Variants in TDRD10 observed in about 807,000 individuals in gnomAD.
The protein encoded by TDRD10 is tudor domain-containing protein 10.
A neutral mutation model predicts 48.0 loss-of-function variants in TDRD10; 40 were observed. The ratio of observed to expected loss-of-function variants is 0.83; its 90% CI spans 0.65 to 1.09. The LOEUF (loss-of-function observed/expected upper bound fraction) is 1.09. Among genes scored for constraint, TDRD10 ranks in the 50% least tolerant of loss-of-function variants. The pLI is 0.00. For missense variants in TDRD10, 378 were observed against 434.7 expected (o/e 0.87, Z 1.16); for synonymous variants, 162 against 170.4 (o/e 0.95, Z 0.38).
chr1:154,547,823 A>C lies in TDRD10; in HGVS notation c.*113A>C. On this transcript the variant is annotated 3_prime_UTR_variant, in exon 13 of 13. Coordinates refer to ENST00000368482, the MANE Select transcript of TDRD10 (RefSeq NM_182499.4). ...AGGCCTGGGAGGTGAAAAAGGCCAG[A>C]CTGTGCCCAGGATTGATTCAATTTT... The C allele has an allele frequency of 7.5e-7, 1 of 1,337,720 alleles. No individual in the cohort carries two copies. The allele number at this position is 1,337,720 out of a possible 1,614,324, so 82.9% of individuals were successfully genotyped here.
intron 6 of TDRD10, among the ~76,000 whole-genome samples, chr1:154,532,417 A>G: frequency 6.6e-6 from 1 of 151,964 alleles, no homozygotes. Flanking sequence ...GCTGTCCTGC[A>G]AGCACCGCGC....
chr1:154,547,736 C>T lies in TDRD10; in HGVS notation c.*26C>T, dbSNP rs202040662. ...CGGGGCTTCCCTCAGCATGTTCCCT[C>T]TCCTGTTTGCCACGGATCCAGAGGC... On this transcript the variant is annotated 3_prime_UTR_variant, in exon 13 of 13. Transcript: ENST00000368482. 669 of 1,612,606 alleles carry T rather than the reference C, an allele frequency of 4.1e-4. 3 individuals carry two copies. The African/African-American group carries it at 7.8e-3, about 19-fold the overall frequency.
intron 6 of TDRD10, among the ~76,000 whole-genome samples, chr1:154,537,700 G>A (rs1226599295): frequency 2.6e-5 from 4 of 152,134 alleles, no homozygotes; most frequent in Non-Finnish European, 5.9e-5. Flanking sequence ...GTGTGTGGAG[G>A]GGACTGGATG....
intron 4 of TDRD10, among the ~76,000 whole-genome samples, chr1:154,520,035 G>A (rs547060742): frequency 7.2e-4 from 110 of 152,296 alleles, no homozygotes; most frequent in Non-Finnish European, 4.1e-4. Context: ...GGCCGTGTGC[G>A]CCCATAGCCA....
At chr1:154,517,731 T>G (rs1693853039) in intron 4 of TDRD10, among the ~76,000 whole-genome samples, 1 of 152,192 alleles carries the variant, frequency 6.6e-6, no homozygotes. Context: ...TTGGACCATT[T>G]TTTTAATCTG....
chr1:154,544,215 C>G, intron 9 of TDRD10, 105 bp downstream of exon 9: 2 of 1,572,608 alleles, frequency 1.3e-6, no homozygotes, highest in Non-Finnish European at 1.7e-6. Flanking sequence ...TGCAGGGTAA[C>G]TACGGTCTGA....
intron 6 of TDRD10, among the ~76,000 whole-genome samples, chr1:154,532,088 C>G (rs1365634661): frequency 1.3e-5 from 2 of 152,250 alleles, no homozygotes; most frequent in Non-Finnish European, 2.9e-5. Flanking sequence ...GCTGTGCGCC[C>G]ACACTCCTCA....
At chr1:154,504,581 T>C (rs962307339) in intron 1 of TDRD10, among the ~76,000 whole-genome samples, 1 of 152,218 alleles carries the variant, frequency 6.6e-6, no homozygotes, top group East Asian at 1.9e-4. Context: ...CTGATTGATA[T>C]GAAGTGTTAT....
At chr1:154,543,878 C>T (rs1467567455) in intron 8 of TDRD10, 85 bp from the exon 9 acceptor site, 12 of 1,569,372 alleles carry the variant, frequency 7.6e-6, no homozygotes, top group Non-Finnish European at 9.5e-6. Flanking sequence ...GTTCAGCCTC[C>T]TGCAGGACAG....
At chr1:154,503,181 G>C (rs1281421941) in intron 1 of TDRD10, among the ~76,000 whole-genome samples, 152 bp downstream of exon 1, 1 of 152,194 alleles carries the variant, frequency 6.6e-6, no homozygotes, top group Non-Finnish European at 1.5e-5. Flanking sequence ...CGCCGGTTGG[G>C]AGCGGCCCTC....
intron 4 of TDRD10, among the ~76,000 whole-genome samples, chr1:154,518,608 T>G (rs1351380151): frequency 6.6e-6 from 1 of 152,174 alleles, no homozygotes; most frequent in Non-Finnish European, 1.5e-5. Flanking sequence ...TTTTTGTATT[T>G]GTAGTAGAGA....
chr1:154,510,638 A>C (rs1693412419), intron 4 of TDRD10, among the ~76,000 whole-genome samples: 1 of 152,060 alleles, frequency 6.6e-6, no homozygotes, highest in Admixed American at 6.6e-5. Context: ...CTAAGATTTT[A>C]CCCTGATTAC....
intron 4 of TDRD10, 47 bp from the exon 5 acceptor site, chr1:154,520,257 G>GT (rs757894637): frequency 1.4e-6 from 2 of 1,395,382 alleles, no homozygotes; most frequent in African/African-American, 2.8e-5. Context: ...AGAAGTGGTT[G>GT]TAAGTTATGT....
Position 154,524,657 on chromosome 1 carries a change from T to C in TDRD10, c.369+3178T>C, listed in dbSNP as rs891163977. 2.9e-4 allele frequency among the ~76,000 whole-genome samples: 44 copies of C among 152,198 alleles called. 1 individual carries two copies. The highest frequency in any genetic ancestry group is 1.0e-3 in the African/African-American group (43 of 41,450). Reference sequence around the variant, plus strand: ...TTGGAATGTTCCATTGTGAGTCTTTTTCTTGGGTAACACCATTTTTCCTAA... The same window carrying C: ...TTGGAATGTTCCATTGTGAGTCTTTCTCTTGGGTAACACCATTTTTCCTAA... On this transcript the variant is annotated intron_variant, in intron 6 of 12. Coordinates refer to ENST00000368482, the MANE Select transcript of TDRD10 (RefSeq NM_182499.4).
chr1:154,512,407 C>T (rs571492194), intron 4 of TDRD10, among the ~76,000 whole-genome samples: 54 of 152,138 alleles, frequency 3.5e-4, no homozygotes, highest in African/African-American at 4.6e-4. Context: ...TGCAATGGCT[C>T]GATCTTGGCT....
intron 6 of TDRD10, among the ~76,000 whole-genome samples, chr1:154,526,140 G>A (rs1694305340): frequency 6.6e-6 from 1 of 150,700 alleles, no homozygotes; most frequent in South Asian, 2.1e-4. Flanking sequence ...GGGAGGTGGA[G>A]GTTGCAGTGA....
chr1:154,511,355 C>T (rs1018015792), intron 4 of TDRD10, among the ~76,000 whole-genome samples: 44 of 151,884 alleles, frequency 2.9e-4, no homozygotes, highest in African/African-American at 9.9e-4. Flanking sequence ...CAATTCAGGC[C>T]GGGCGTGGTG....
At chr1:154,507,201 T>G (rs1280643767) in intron 2 of TDRD10, 40 bp from the exon 3 acceptor site, 1 of 1,613,388 alleles carries the variant, frequency 6.2e-7, no homozygotes, top group East Asian at 2.2e-5. Context: ...TGTCGGAGTC[T>G]GAGCTTGGGA....
rs538063493 is a variant in TDRD10, at chr1:154,547,801, C to A, written c.*91C>A. On this transcript the variant is annotated 3_prime_UTR_variant, in exon 13 of 13. Coordinates refer to ENST00000368482, the MANE Select transcript of TDRD10 (RefSeq NM_182499.4). Reference sequence around the variant, plus strand: ...TCTCGTACCCCTTTCACTCTTGAGGCCTGGGAGGTGAAAAAGGCCAGACTG... The same window carrying A: ...TCTCGTACCCCTTTCACTCTTGAGGACTGGGAGGTGAAAAAGGCCAGACTG... The A allele has an allele frequency of 3.3e-6, 5 of 1,525,594 alleles. No individual in the cohort carries two copies. The highest frequency in any genetic ancestry group is 1.1e-5 in the South Asian group (1 of 88,344). The allele number at this position is 1,525,594 out of a possible 1,614,324, so 94.5% of individuals were successfully genotyped here. A position where few individuals can be genotyped will look rare whatever the true frequency, so the allele number is the denominator to read the frequency against.
Sources: gnomAD v4.1 joint callset for allele counts (sites outside exome capture counted in the v4.1 genomes callset) on GRCh38, gnomAD v4.1.1 for gene constraint, MANE v1.5 for transcripts, NCBI Gene and HGNC (gene_info 2026-07-23, HGNC 2026-07-21) for gene names.